Variants in APLF observed in about 807,000 individuals in gnomAD.
APLF encodes the protein aprataxin and PNKP like factor.
Under a neutral mutation model 55.6 loss-of-function variants are expected in APLF, and 61 were observed. The observed-to-expected ratio is 1.10, with a 90% CI of 0.89 to 1.36. The LOEUF (loss-of-function observed/expected upper bound fraction) is 1.36. Ranked by LOEUF, APLF falls within the 40% of genes most tolerant of loss-of-function variation. APLF has a pLI of 0.00. For synonymous variants in APLF, 207 were observed against 214.8 expected, an observed-to-expected ratio of 0.96 and a Z score of 0.32; for missense variants, 611 against 602.5, an observed-to-expected ratio of 1.01 and a Z score of -0.15.
chr2:68,573,454 C>T (rs965773392), intron 9 of APLF, among the ~76,000 whole-genome samples: 3 of 152,206 alleles, frequency 2.0e-5, no homozygotes, highest in South Asian at 4.1e-4. Context: ...GGGTGGATCA[C>T]CTGAGGTCAG....
rs1055273876 is a variant in APLF, at chr2:68,560,695, A to C, written c.1287-6646A>C. The stretch of plus-strand genomic sequence containing the variant: ...AACTGTTAATAATTAACAATGAAAA[A>C]AACAAAAAGGACTTTGAGACCGGCT... On this transcript the variant is annotated intron_variant, in intron 8 of 9. Coordinates refer to ENST00000303795, the MANE Select transcript of APLF (RefSeq NM_173545.3). Among the ~76,000 whole-genome samples, 14 of 152,144 alleles carry C rather than the reference A, an allele frequency of 9.2e-5. No individual in the cohort carries two copies. The East Asian group carries it at 2.7e-3, about 29-fold the overall frequency.
At chr2:68,522,333 T>C (rs1264388720) in intron 5 of APLF, among the ~76,000 whole-genome samples, 3 of 151,940 alleles carry the variant, frequency 2.0e-5, no homozygotes, top group Admixed American at 6.6e-5. Flanking sequence ...TAAGTAATGA[T>C]ATTGGTAGAT....
chr2:68,549,526 T>A (rs1039424997), intron 8 of APLF, among the ~76,000 whole-genome samples: 4 of 152,154 alleles, frequency 2.6e-5, no homozygotes, highest in African/African-American at 9.6e-5. Flanking sequence ...ACTTTGGAAA[T>A]TAAATCTTTG....
At chr2:68,569,538 G>A (rs1671397279) in intron 9 of APLF, among the ~76,000 whole-genome samples, 1 of 152,100 alleles carries the variant, frequency 6.6e-6, no homozygotes, top group African/African-American at 2.4e-5. Flanking sequence ...TGCTAAAAGG[G>A]TGTATTGAAG....
intron 5 of APLF, among the ~76,000 whole-genome samples, chr2:68,517,703 A>G (rs910411199): frequency 6.9e-6 from 1 of 145,366 alleles, no homozygotes; most frequent in Non-Finnish European, 1.5e-5. Context: ...ATGTAACAAT[A>G]ATATATCACT....
intron 8 of APLF, among the ~76,000 whole-genome samples, chr2:68,562,008 G>A (rs1295400301): frequency 6.6e-6 from 1 of 152,002 alleles, no homozygotes; most frequent in Non-Finnish European, 1.5e-5. Flanking sequence ...ATCAGTGGAT[G>A]AAGGGGTAAA....
chr2:68,470,700 T>A (rs1172852472), intron 1 of APLF, among the ~76,000 whole-genome samples: 2 of 152,244 alleles, frequency 1.3e-5, no homozygotes, highest in African/African-American at 4.8e-5. Flanking sequence ...GCAGGGATTA[T>A]ATGACACATT....
At chr2:68,485,511 A>G (rs1233414438) in intron 1 of APLF, among the ~76,000 whole-genome samples, 1 of 152,166 alleles carries the variant, frequency 6.6e-6, no homozygotes, top group Non-Finnish European at 1.5e-5. Context: ...TTCGCAGTTA[A>G]TCTACCATTT....
At chr2:68,508,110 A>G (rs1030563364) in intron 3 of APLF, among the ~76,000 whole-genome samples, 3 of 151,200 alleles carry the variant, frequency 2.0e-5, no homozygotes, top group Non-Finnish European at 4.4e-5. Context: ...CATAACATAA[A>G]CAAAATTTGG....
chr2:68,493,554 T>C (rs565407335), intron 2 of APLF, among the ~76,000 whole-genome samples: 1 of 152,246 alleles, frequency 6.6e-6, no homozygotes, highest in Non-Finnish European at 1.5e-5. Context: ...GACACTATAA[T>C]GAAAATGATA....
intron 3 of APLF, among the ~76,000 whole-genome samples, chr2:68,509,259 G>C (rs1014540053): frequency 1.3e-5 from 2 of 152,066 alleles, no homozygotes; most frequent in Non-Finnish European, 2.9e-5. Context: ...CACAGCAAAA[G>C]AAACTACCAT....
chr2:68,518,569 TATAATATATCA>T (rs1351911542), intron 5 of APLF, among the ~76,000 whole-genome samples: 1 of 106,286 alleles, frequency 9.4e-6, no homozygotes. Flanking sequence ...ATCATGAATA[TATAATATATCA>T]ATAATATATC....
At chr2:68,570,744 C>T (rs1003749144) in intron 9 of APLF, among the ~76,000 whole-genome samples, 5 of 152,140 alleles carry the variant, frequency 3.3e-5, no homozygotes, top group African/African-American at 1.2e-4. Flanking sequence ...AGTAGTGCCG[C>T]AGTAAACATA....
intron 1 of APLF, among the ~76,000 whole-genome samples, chr2:68,473,127 A>G (rs887799081): frequency 6.6e-6 from 1 of 152,158 alleles, no homozygotes; most frequent in African/African-American, 2.4e-5. Context: ...TTGCAGTATA[A>G]CACAGAGTTG....
chr2:68,542,804 C>A (rs1368125972), intron 7 of APLF, among the ~76,000 whole-genome samples: 1 of 152,142 alleles, frequency 6.6e-6, no homozygotes, highest in South Asian at 2.1e-4. Flanking sequence ...AATTCCACTT[C>A]TGGGTATATA....
In APLF at chr2:68,469,002, G is replaced by A. The variant is rs201203717; in HGVS notation, c.96+1175G>A. Reference sequence around the variant, plus strand: ...TGGTCCTAAAGGGGTGTGTGTGTGTGTGTGTGTGTGTGTGTGTGTTGTGTG... The same window carrying A: ...TGGTCCTAAAGGGGTGTGTGTGTGTATGTGTGTGTGTGTGTGTGTTGTGTG... On this transcript the variant is annotated intron_variant, in intron 1 of 9. Transcript: ENST00000303795. Among the ~76,000 whole-genome samples the A allele has an allele frequency of 2.0e-4, 29 of 147,486 alleles. 1 individual carries two copies. The East Asian group carries it at 5.2e-3, about 27-fold the overall frequency.
chr2:68,516,245 G>A (rs1367305362), intron 5 of APLF, among the ~76,000 whole-genome samples: 1 of 151,534 alleles, frequency 6.6e-6, no homozygotes, highest in African/African-American at 2.4e-5. Context: ...GCATATCACT[G>A]TATAGCTGCC....
intron 5 of APLF, among the ~76,000 whole-genome samples, chr2:68,525,250 T>C (rs66536725): frequency 0.11 from 16,076 of 151,868 alleles, 1,083 homozygotes; most frequent in African/African-American, 0.19. Context: ...GAGCAGAGAT[T>C]GTGCCACTGC....
At chr2:68,497,635 G>T (rs1345067073) in intron 2 of APLF, among the ~76,000 whole-genome samples, 1 of 150,452 alleles carries the variant, frequency 6.6e-6, no homozygotes, top group Non-Finnish European at 1.5e-5. Context: ...GACTAATACA[G>T]TGTGGGAGGT....
Sources: allele counts gnomAD v4.1 joint callset (sites outside exome capture counted in the v4.1 genomes callset), GRCh38; gene constraint gnomAD v4.1.1; transcripts MANE v1.5; gene names NCBI Gene and HGNC (gene_info 2026-07-23, HGNC 2026-07-21).